Variants in DGKI observed in about 807,000 individuals in gnomAD.
DGKI encodes the protein diacylglycerol kinase iota, also known as DAG kinase iota.
DGKI carries 55 observed loss-of-function variants against 147.5 expected under a neutral mutation model. The observed-to-expected ratio is 0.37, with a 90% confidence interval of 0.30 to 0.47. The LOEUF is 0.47. Among genes scored for constraint, DGKI ranks in the 20% least tolerant of loss-of-function variants. The pLI is 1.00. For missense variants in DGKI, 1,007 were observed against 1,323.8 expected (o/e 0.76, Z 3.71); for synonymous variants, 469 against 477.1 (o/e 0.98, Z 0.22).
At chr7:137,705,578 C>G (rs1392276998) in intron 1 of DGKI, among the ~76,000 whole-genome samples, 1 of 152,004 alleles carries the variant, frequency 6.6e-6, no homozygotes, top group Non-Finnish European at 1.5e-5. Context: ...GGGGAGATGG[C>G]TGATTGGGAA....
At chr7:137,443,783 T>C (rs2288146) in intron 28 of DGKI, among the ~76,000 whole-genome samples, 68,351 of 152,036 alleles carry the variant, frequency 0.45, 16,449 homozygotes, top group East Asian at 0.74. Flanking sequence ...ACAGGACTAG[T>C]CCAAAACCAC....
intron 2 of DGKI, among the ~76,000 whole-genome samples, chr7:137,679,413 T>C (rs560962584): frequency 2.0e-5 from 3 of 151,972 alleles, no homozygotes; most frequent in East Asian, 3.9e-4. Context: ...TGTTTTTTTT[T>C]TTTTTTAATC....
At position 137,767,523 on chromosome 7, in the gene DGKI, AAGAGAAGAGT is replaced by A. The variant is rs1343562189; in HGVS notation, c.402-77531_402-77522del. Among the ~76,000 whole-genome samples the A allele has an allele frequency of 3.6e-3, 531 of 148,684 alleles. 10 individuals are homozygous for A. Among genetic ancestry groups the A allele is most frequent in the East Asian group, 0.014 (69 of 5,058 alleles). On this transcript the variant is annotated intron_variant, in intron 1 of 32. Transcript: ENST00000614521. The stretch of plus-strand genomic sequence containing the variant: ...AAGAGAAGAGAAGAGAAGAGAAGAG[AAGAGAAGAGT>A]AGAGTAGGAGGAAGAGGAAGAGAAG...
intron 3 of DGKI, among the ~76,000 whole-genome samples, chr7:137,672,766 CTTTTTTTTTTTTTTTTT>C (rs60078498): frequency 4.6e-5 from 3 of 65,690 alleles, no homozygotes; most frequent in African/African-American, 2.2e-4. Context: ...CTCTGTGTGT[CTTTTTTTTTTTTTTTTT>C]TTTTTTTTTT....
chr7:137,654,181 G>A (rs1822135617), intron 5 of DGKI, among the ~76,000 whole-genome samples: 1 of 146,520 alleles, frequency 6.8e-6, no homozygotes, highest in Non-Finnish European at 1.5e-5. Flanking sequence ...TATAGTTCTA[G>A]CTTATGATGT....
chr7:137,601,756 G>A (rs1268703084), intron 10 of DGKI, among the ~76,000 whole-genome samples: 1 of 152,174 alleles, frequency 6.6e-6, no homozygotes, highest in African/African-American at 2.4e-5. Flanking sequence ...TTACACTTGA[G>A]AATGTGAGCT....
chr7:137,670,728 G>A (rs1011778720), intron 3 of DGKI, among the ~76,000 whole-genome samples: 9 of 152,198 alleles, frequency 5.9e-5, no homozygotes, highest in African/African-American at 2.2e-4. Flanking sequence ...CTCAGAGAGC[G>A]GGCTTTGCCT....
chr7:137,831,975 A>C (rs1022086535), intron 1 of DGKI, among the ~76,000 whole-genome samples: 1 of 152,250 alleles, frequency 6.6e-6, no homozygotes, highest in Non-Finnish European at 1.5e-5. Context: ...GGGCAGTCAA[A>C]TCTTAAAGCT....
chr7:137,622,965 A>T (rs1006697354), intron 7 of DGKI, among the ~76,000 whole-genome samples: 1 of 152,216 alleles, frequency 6.6e-6, no homozygotes, highest in Admixed American at 6.5e-5. Context: ...ATCCAAACCT[A>T]AAAAAGCATA....
intron 31 of DGKI, among the ~76,000 whole-genome samples, chr7:137,396,464 G>A (rs775635427): frequency 4.6e-5 from 7 of 152,202 alleles, no homozygotes; most frequent in Non-Finnish European, 8.8e-5. Context: ...GATGCTTAAC[G>A]CCAAAGTGTT....
At position 137,609,623 on chromosome 7, in the gene DGKI, GAGAA is replaced by G; in HGVS notation, c.994-18_994-15del. 1 of 1,606,800 alleles carries G rather than the reference GAGAA, an allele frequency of 6.2e-7. No individual in the cohort carries two copies. Among genetic ancestry groups the G allele is most frequent in the Non-Finnish European group, 8.5e-7 (1 of 1,173,958 alleles). ...CTTCAGGGAGTTCTGTAGGGAGAGA[GAGAA>G]ATGCCTGAGCTCAGAGGCAGCCAGC... is the stretch of plus-strand genomic sequence containing the variant. On this transcript the variant is annotated splice_polypyrimidine_tract_variant and intron_variant, in intron 8 of 32. Transcript: ENST00000614521.
intron 1 of DGKI, among the ~76,000 whole-genome samples, chr7:137,730,303 G>A (rs572840023): frequency 4.6e-5 from 7 of 152,154 alleles, no homozygotes; most frequent in African/African-American, 1.4e-4. Context: ...GGGATTTTAC[G>A]TTTTGGTTAA....
chr7:137,634,053 G>A (rs929269179), intron 6 of DGKI, among the ~76,000 whole-genome samples: 2 of 152,174 alleles, frequency 1.3e-5, no homozygotes, highest in African/African-American at 4.8e-5. Flanking sequence ...AAGCTTCTAG[G>A]GGTCAGTAGT....
In DGKI at chr7:137,618,151, A is replaced by ATTTTTTTTT. The variant is rs1156891729; in HGVS notation, c.993+1664_993+1672dup. 9.8e-3 allele frequency among the ~76,000 whole-genome samples: 102 copies of ATTTTTTTTT among 10,432 alleles called. 8 individuals are homozygous for ATTTTTTTTT. The highest frequency in any genetic ancestry group is 0.012 in the African/African-American group (99 of 7,976). 6.8% of individuals were successfully genotyped at this position (10,432 alleles called of 152,430 possible). ...ACTATATATATATATATATATATAT[A>ATTTTTTTTT]TTTTTTTTTTTTTACTCTATCATTC... On this transcript the variant is annotated intron_variant, in intron 8 of 32. Transcript: ENST00000614521.
intron 1 of DGKI, among the ~76,000 whole-genome samples, chr7:137,805,277 C>T (rs1405296971): frequency 1.3e-5 from 2 of 152,206 alleles, no homozygotes; most frequent in Non-Finnish European, 2.9e-5. Flanking sequence ...ATTAGTCTGA[C>T]ATCTCCATTG....
At chr7:137,750,178 A>G (rs1248769119) in intron 1 of DGKI, among the ~76,000 whole-genome samples, 6 of 152,218 alleles carry the variant, frequency 3.9e-5, no homozygotes, top group African/African-American at 9.6e-5. Context: ...CTTGTCGTAG[A>G]GGAGCCAGGG....
intron 19 of DGKI, among the ~76,000 whole-genome samples, chr7:137,561,243 T>C (rs1027585166): frequency 6.6e-6 from 1 of 152,086 alleles, no homozygotes; most frequent in African/African-American, 2.4e-5. Flanking sequence ...TATTCAGCCA[T>C]TAAAAAGAAT....
At chr7:137,581,789 C>T in intron 15 of DGKI, 61 bp downstream of exon 15, 1 of 1,400,836 alleles carries the variant, frequency 7.1e-7, no homozygotes, top group Non-Finnish European at 1.0e-6. Context: ...CAAAAGGGAA[C>T]ATGCAAAACA....
At chr7:137,632,665 T>C (rs370316121) in intron 6 of DGKI, among the ~76,000 whole-genome samples, 59 of 151,902 alleles carry the variant, frequency 3.9e-4, no homozygotes, top group African/African-American at 1.3e-3. Context: ...GAGACCATCC[T>C]GGCCAACATG....
Sources: allele counts gnomAD v4.1 joint callset (sites outside exome capture counted in the v4.1 genomes callset), GRCh38; gene constraint gnomAD v4.1.1; transcripts MANE v1.5; gene names NCBI Gene and HGNC (gene_info 2026-07-23, HGNC 2026-07-21).